Variants in SMURF1 observed in about 807,000 individuals in gnomAD.
SMURF1 encodes E3 ubiquitin-protein ligase SMURF1.
A neutral mutation model predicts 98.0 loss-of-function variants in SMURF1; 44 were observed. The observed-to-expected ratio is 0.45, with a 90% CI of 0.35 to 0.58. SMURF1 has a LOEUF of 0.58. Ranked by LOEUF, SMURF1 falls within the 20% of genes least tolerant of loss-of-function variation. SMURF1 has a pLI of 0.00. For missense variants in SMURF1, 687 were observed against 938.4 expected (o/e 0.73, Z 3.50); for synonymous variants, 396 against 374.9 (o/e 1.06, Z -0.65).
At chr7:99,119,002 AATT>A (rs1797528082) in intron 1 of SMURF1, among the ~76,000 whole-genome samples, 1 of 108,940 alleles carries the variant, frequency 9.2e-6, no homozygotes, top group African/African-American at 3.6e-5. Context: ...CTAACATGCC[AATT>A]TTTTTTTTTT....
chr7:99,062,756 G>A (rs1047988426), intron 1 of SMURF1, among the ~76,000 whole-genome samples: 5 of 152,102 alleles, frequency 3.3e-5, no homozygotes, highest in East Asian at 1.9e-4. Context: ...GCTGAGGCAG[G>A]AGAATCACTT....
rs140871036 is a variant in SMURF1 at position 99,030,129 on chromosome 7, G to C, written c.*455C>G. ...AATCTGAGCTCTGATAAGATATCTA[G>C]CAGCTGCTCAAATTGAAAAGGGGCC... On this transcript the variant is annotated 3_prime_UTR_variant, in exon 18 of 18. Coordinates refer to ENST00000361368, the MANE Select transcript of SMURF1 (RefSeq NM_181349.3). 2.5e-5 allele frequency: 4 copies of C among 158,510 alleles called. No homozygotes were observed. Among genetic ancestry groups the C allele is most frequent in the Non-Finnish European group, 5.6e-5 (4 of 71,394 alleles). 9.8% of individuals were successfully genotyped at this position (158,510 alleles called of 1,614,324 possible).
At chr7:99,133,974 A>T (rs765668389) in intron 1 of SMURF1, among the ~76,000 whole-genome samples, 21 of 152,202 alleles carry the variant, frequency 1.4e-4, no homozygotes, top group Middle Eastern at 3.4e-3. Flanking sequence ...TATCTTTGCC[A>T]GGGGGGTGCG....
chr7:99,143,493 G>C (rs1398823870), intron 1 of SMURF1, among the ~76,000 whole-genome samples: 1 of 134,970 alleles, frequency 7.4e-6, no homozygotes, highest in African/African-American at 2.8e-5. Flanking sequence ...CAGGTGCGGG[G>C]GAACGGGAGG....
intron 8 of SMURF1, chr7:99,050,791 TAAA>T (rs1203575737): frequency 1.4e-6 from 1 of 709,904 alleles, no homozygotes; most frequent in Admixed American, 3.0e-5. Context: ...AAATCATGAA[TAAA>T]AAGGAACTAA....
Position 99,077,331 on chromosome 7 carries a change from AT to A in SMURF1, c.56-15495del, listed in dbSNP as rs71118656. Among the ~76,000 whole-genome samples the A allele has an allele frequency of 1.1e-3, 151 of 143,160 alleles. 1 individual carries two copies. Among genetic ancestry groups the A allele is most frequent in the Non-Finnish European group, 1.6e-3 (100 of 63,200 alleles). The allele number at this position is 143,160 out of a possible 152,430, so 93.9% of individuals were successfully genotyped here. A position where few individuals can be genotyped will look rare whatever the true frequency, so the allele number is the denominator to read the frequency against. ...CCACTTCTTTTTTTTTATTTTTTTT[AT>A]TTTTTTTTATTTTTTTTTTGAGATG... On this transcript the variant is annotated intron_variant, in intron 1 of 17. Coordinates refer to ENST00000361368, the MANE Select transcript of SMURF1 (RefSeq NM_181349.3).
chr7:99,051,801 A>G (rs1488348605), intron 7 of SMURF1, among the ~76,000 whole-genome samples: 3 of 152,166 alleles, frequency 2.0e-5, no homozygotes, highest in Admixed American at 6.5e-5. Flanking sequence ...CACTGCCACA[A>G]TTATCAAATG....
intron 15 of SMURF1, chr7:99,036,612 C>T (rs748040219): frequency 1.8e-5 from 3 of 162,556 alleles, no homozygotes; most frequent in Non-Finnish European, 4.1e-5. Flanking sequence ...CTATTTGGCA[C>T]CAGAGATGGA....
intron 16 of SMURF1, 94 bp downstream of exon 16, chr7:99,035,421 C>A: frequency 7.2e-7 from 1 of 1,384,518 alleles, no homozygotes; most frequent in South Asian, 1.2e-5. Flanking sequence ...TTCTAGCACA[C>A]ATCTCAGAAA....
intron 10 of SMURF1, among the ~76,000 whole-genome samples, chr7:99,046,212 A>T (rs1795569012): frequency 6.6e-6 from 1 of 152,178 alleles, no homozygotes; most frequent in Non-Finnish European, 1.5e-5. Flanking sequence ...CTCTCTTTAT[A>T]TCTAAAGTGA....
chr7:99,032,724 T>TAAGA (rs1266107556), intron 17 of SMURF1, among the ~76,000 whole-genome samples: 11 of 152,204 alleles, frequency 7.2e-5, no homozygotes, highest in Non-Finnish European at 1.5e-4. Flanking sequence ...TTATATATAC[T>TAAGA]GTAAGAAAGA....
chr7:99,092,323 A>T (rs1014476155), intron 1 of SMURF1, among the ~76,000 whole-genome samples: 1 of 152,162 alleles, frequency 6.6e-6, no homozygotes, highest in Non-Finnish European at 1.5e-5. Context: ...CTCCAATTCT[A>T]GTCTTTCGAG....
intron 1 of SMURF1, among the ~76,000 whole-genome samples, chr7:99,113,837 T>TAAAAAAAA (rs71118659): frequency 5.9e-5 from 2 of 33,974 alleles, no homozygotes; most frequent in African/African-American, 2.9e-4. Flanking sequence ...AGACTCCGTC[T>TAAAAAAAA]AAAAAAAAAA....
chr7:99,104,601 T>G (rs1415677950), intron 1 of SMURF1, among the ~76,000 whole-genome samples: 2 of 152,228 alleles, frequency 1.3e-5, no homozygotes, highest in Admixed American at 1.3e-4. Flanking sequence ...CCTGCCACTG[T>G]CACTTAATAG....
At chr7:99,040,235 T>C (rs112767603) in intron 13 of SMURF1, 143 bp downstream of exon 13, 1 of 738,728 alleles carries the variant, frequency 1.4e-6, no homozygotes. Flanking sequence ...AAAAATCCCC[T>C]TTTTTTGTTT....
chr7:99,121,585 G>C (rs140749231), intron 1 of SMURF1, among the ~76,000 whole-genome samples: 14 of 152,252 alleles, frequency 9.2e-5, no homozygotes, highest in Admixed American at 5.9e-4. Context: ...AACACTCCCA[G>C]ATCCTTCCCA....
chr7:99,060,746 A>C, intron 2 of SMURF1, 39 bp from the exon 3 acceptor site: 226 of 1,350,810 alleles, frequency 1.7e-4, no homozygotes, highest in Non-Finnish European at 2.1e-4. Flanking sequence ...ATGAGACCTC[A>C]CATCCATCCA....
At chr7:99,119,003 ATTTTTTTTTTTTTTTT>A (rs67705340) in intron 1 of SMURF1, among the ~76,000 whole-genome samples, 10 of 42,882 alleles carry the variant, frequency 2.3e-4, no homozygotes, top group Non-Finnish European at 3.3e-4. Context: ...TAACATGCCA[ATTTTTTTTTTTTTTTT>A]TTTTTTTTTT....
chr7:99,039,577 AC>A (rs1446648833), intron 13 of SMURF1, among the ~76,000 whole-genome samples: 7 of 152,032 alleles, frequency 4.6e-5, no homozygotes, highest in Non-Finnish European at 1.0e-4. Context: ...TCAAACTCCA[AC>A]CTTTGACCTC....
Sources: gnomAD v4.1 joint callset for allele counts (sites outside exome capture counted in the v4.1 genomes callset) on GRCh38, gnomAD v4.1.1 for gene constraint, MANE v1.5 for transcripts, NCBI Gene and HGNC (gene_info 2026-07-23, HGNC 2026-07-21) for gene names.